Variants in ARHGEF7 observed in about 807,000 individuals in gnomAD.
ARHGEF7 encodes Rho guanine nucleotide exchange factor 7, also known as PAK-interacting exchange factor beta.
In ARHGEF7, 33 loss-of-function variants were observed where a neutral mutation model predicts 109.8. The ratio of observed to expected loss-of-function variants is 0.30; its 90% CI spans 0.23 to 0.40. The LOEUF is 0.40. Among genes scored for constraint, ARHGEF7 ranks in the 10% least tolerant of loss-of-function variants. The probability of loss-of-function intolerance (pLI) is 1.00; values close to 1 mark genes in which losing one functional copy is unlikely to be tolerated. For synonymous variants in ARHGEF7, 458 were observed against 424.6 expected, an observed-to-expected ratio of 1.08 and a Z score of -0.97; for missense variants, 938 against 1,098.5, an observed-to-expected ratio of 0.85 and a Z score of 2.07.
At chr13:111,249,449 G>A (rs2089427834) in intron 8 of ARHGEF7, among the ~76,000 whole-genome samples, 2 of 151,838 alleles carry the variant, frequency 1.3e-5, no homozygotes, top group African/African-American at 4.8e-5. Flanking sequence ...CAAGCAGGAG[G>A]GGAAAAAAGG....
chr13:111,175,870 C>G (rs1387296182), intron 2 of ARHGEF7, among the ~76,000 whole-genome samples: 1 of 152,174 alleles, frequency 6.6e-6, no homozygotes, highest in Non-Finnish European at 1.5e-5. Context: ...GGAAACTTAA[C>G]AGTTGTGGCA....
rs112892323 is a variant in ARHGEF7, at chr13:111,255,185, G to A, written c.950+10891G>A. Among the ~76,000 whole-genome samples, 7 of 149,062 alleles carry A rather than the reference G, an allele frequency of 4.7e-5. No homozygotes were observed. Among genetic ancestry groups the A allele is most frequent in the East Asian group, 2.0e-4 (1 of 4,936 alleles). On this transcript the variant is annotated intron_variant, in intron 8 of 21. Transcript: ENST00000646102. The surrounding 1 kb of genome is among the most constrained non-coding windows in gnomAD (Gnocchi z 4.1). ...CGGGCTAAGGCGCTGAGTCGCTAACGTGAAGGCCGGGCTCAGAAGAGGATT... is the reference window on the plus strand; with the variant it reads ...CGGGCTAAGGCGCTGAGTCGCTAACATGAAGGCCGGGCTCAGAAGAGGATT...
intron 19 of ARHGEF7, among the ~76,000 whole-genome samples, chr13:111,295,565 C>T (rs889137386): frequency 2.6e-5 from 4 of 151,308 alleles, no homozygotes; most frequent in African/African-American, 9.8e-5. Context: ...TTATAAAGTG[C>T]TTATCCAGCT....
At chr13:111,217,967 T>C (rs2083338274) in intron 5 of ARHGEF7, 87 bp downstream of exon 5, 2 of 1,329,538 alleles carry the variant, frequency 1.5e-6, no homozygotes, top group Non-Finnish European at 2.0e-6. Context: ...ACTCTCCAGC[T>C]GGACCTGTGC....
At chr13:111,231,656 G>C (rs545464746) in intron 5 of ARHGEF7, among the ~76,000 whole-genome samples, 1 of 152,252 alleles carries the variant, frequency 6.6e-6, no homozygotes, top group Non-Finnish European at 1.5e-5. Context: ...AGAGTGTTTG[G>C]GGTTGAAGGC....
chr13:111,158,262 T>A (rs1400028967), intron 2 of ARHGEF7, among the ~76,000 whole-genome samples: 4 of 152,244 alleles, frequency 2.6e-5, no homozygotes, highest in African/African-American at 9.6e-5. Flanking sequence ...TGGGCTCACA[T>A]ACAGTGTTAC....
chr13:111,229,049 G>C (rs1357540686), intron 5 of ARHGEF7, among the ~76,000 whole-genome samples: 1 of 152,046 alleles, frequency 6.6e-6, no homozygotes, highest in Non-Finnish European at 1.5e-5. Context: ...TGATGGTGGA[G>C]CTGCCTCGGA....
chr13:111,221,291 ATATATATGT>A (rs2083934960), intron 5 of ARHGEF7, among the ~76,000 whole-genome samples: 3 of 56,270 alleles, frequency 5.3e-5, no homozygotes, highest in African/African-American at 2.4e-4. Flanking sequence ...ATCTATATAG[ATATATATGT>A]CTATATATAT....
At chr13:111,240,398 G>A (rs1186848651) in intron 6 of ARHGEF7, among the ~76,000 whole-genome samples, 1 of 152,218 alleles carries the variant, frequency 6.6e-6, no homozygotes, top group African/African-American at 2.4e-5. Flanking sequence ...AACGTTCCGA[G>A]GTATTGGTAA....
Position 111,265,561 on chromosome 13 carries a change from G to A in ARHGEF7, c.951-1987G>A, listed in dbSNP as rs765898602. ...CCAGAGACTGCATGGAGGTGGAACCGGGAAGTCCGGGGTCTGAGGTCCTGC... is the reference window on the plus strand; with the variant it reads ...CCAGAGACTGCATGGAGGTGGAACCAGGAAGTCCGGGGTCTGAGGTCCTGC... On this transcript the variant is annotated intron_variant, in intron 8 of 21. Coordinates refer to ENST00000646102, the MANE Select transcript of ARHGEF7 (RefSeq NM_001354046.2). 251 of 456,618 alleles carry A rather than the reference G, an allele frequency of 5.5e-4. 2 individuals are homozygous for A. The highest frequency in any genetic ancestry group is 2.3e-4 in the Admixed American group (10 of 42,572). The allele number at this position is 456,618 out of a possible 1,614,324, so 28.3% of individuals were successfully genotyped here.
chr13:111,182,910 CTG>C (rs1247787992), intron 2 of ARHGEF7, among the ~76,000 whole-genome samples: 4 of 152,196 alleles, frequency 2.6e-5, no homozygotes, highest in East Asian at 3.8e-4. Flanking sequence ...CTATTCAACG[CTG>C]TGTTATAAAA....
At chr13:111,206,784 A>C (rs1159677415) in intron 3 of ARHGEF7, among the ~76,000 whole-genome samples, 13 of 151,782 alleles carry the variant, frequency 8.6e-5, no homozygotes. Flanking sequence ...ACACGGTGAA[A>C]CCCCGTCTCA....
At chr13:111,292,551 A>G (rs1383868508) in intron 19 of ARHGEF7, 10 of 1,384,154 alleles carry the variant, frequency 7.2e-6, no homozygotes, top group Admixed American at 3.3e-5. Flanking sequence ...ACGTGAGCCT[A>G]CATCCGAGGG....
At chr13:111,278,513 G>C (rs930109652) in intron 13 of ARHGEF7, among the ~76,000 whole-genome samples, 7 of 152,202 alleles carry the variant, frequency 4.6e-5, no homozygotes, top group Non-Finnish European at 1.0e-4. Context: ...CCTCACAGAG[G>C]CTCTGCCGAC....
intron 11 of ARHGEF7, 127 bp from the exon 12 acceptor site, chr13:111,275,405 A>T: frequency 1.8e-6 from 2 of 1,102,502 alleles, no homozygotes; most frequent in Non-Finnish European, 2.6e-6. Context: ...ATCGCTCAAT[A>T]AATTATCTGT....
Position 111,153,964 on chromosome 13 carries a change from C to A in ARHGEF7, c.225C>A (p.Arg75=). 6.2e-7 allele frequency: 1 copy of A among 1,603,936 alleles called. No individual in the cohort carries two copies. ...ECLSNIREFL[R]GCGASLRLET... is the part of the protein sequence containing the mutation. ...TGAGCAACATCCGCGAGTTCCTGCG[C>A]GGCTGCGGGGCTTCCCTGCGGCTGG... The change falls in exon 2 of 22, where the codon CGC becomes CGA. Residue 75 remains arginine, a synonymous_variant. Coordinates refer to ENST00000646102, the MANE Select transcript of ARHGEF7 (RefSeq NM_001354046.2).
At chr13:111,170,057 G>A (rs1390738871) in intron 2 of ARHGEF7, among the ~76,000 whole-genome samples, 5 of 151,704 alleles carry the variant, frequency 3.3e-5, no homozygotes, top group African/African-American at 9.8e-5. Flanking sequence ...CAGAGGTGAC[G>A]CTTTTAGGAT....
chr13:111,129,903 G>A (rs2074652695), intron 1 of ARHGEF7, among the ~76,000 whole-genome samples: 1 of 152,204 alleles, frequency 6.6e-6, no homozygotes, highest in South Asian at 2.1e-4. Flanking sequence ...GAAACGATAC[G>A]GCCATACCAC....
chr13:111,215,918 C>T (rs1482149804), intron 4 of ARHGEF7, among the ~76,000 whole-genome samples: 2 of 151,950 alleles, frequency 1.3e-5, no homozygotes, highest in Admixed American at 6.6e-5. Context: ...TTTGTTAATT[C>T]CCCTGTTTTG....
Sources: gnomAD v4.1 joint callset for allele counts (sites outside exome capture counted in the v4.1 genomes callset) on GRCh38, gnomAD v4.1.1 for gene constraint, Gnocchi (gnomAD v3.1) non-coding constraint, MANE v1.5 for transcripts, NCBI Gene and HGNC (gene_info 2026-07-23, HGNC 2026-07-21) for gene names.